Variants in LRRFIP2 observed in about 807,000 individuals in gnomAD.
The protein encoded by LRRFIP2 is LRR binding FLII interacting protein 2, also known as leucine-rich repeat flightless-interacting protein 2.
LRRFIP2 carries 109 observed loss-of-function variants against 125.9 expected under a neutral mutation model. The observed-to-expected ratio is 0.87, with a 90% confidence interval of 0.74 to 1.01. LRRFIP2 has a LOEUF of 1.01. LRRFIP2 is among the 50% of genes least tolerant of loss of function. LRRFIP2 has a pLI of 0.00. For missense variants in LRRFIP2, 850 were observed against 862.3 expected (o/e 0.99, Z 0.18); for synonymous variants, 291 against 293.1 (o/e 0.99, Z 0.07).
At chr3:37,094,720 A>G (rs1237824015) in intron 17 of LRRFIP2, 72 bp downstream of exon 17, 3 of 887,246 alleles carry the variant, frequency 3.4e-6, no homozygotes, top group Non-Finnish European at 3.7e-6. Context: ...GTCACATTAA[A>G]GGTTAAAAGT....
At position 37,148,888 on chromosome 3, in the gene LRRFIP2, A is replaced by C. The variant is rs1036107875; in HGVS notation, c.90+6T>G. 1.9e-6 allele frequency: 3 copies of C among 1,613,896 alleles called. No homozygotes were observed. The highest frequency in any genetic ancestry group is 2.7e-5 in the African/African-American group (2 of 74,922). On this transcript the variant is annotated splice_donor_region_variant and intron_variant, in intron 2 of 27. Coordinates refer to ENST00000336686, the MANE Select transcript of LRRFIP2 (RefSeq NM_006309.4). ...TCAGTGTTGAGAGGGGATTTACCAAACATACCTCTCTGGCAATGTTACTCA... is the reference window on the plus strand; with the variant it reads ...TCAGTGTTGAGAGGGGATTTACCAACCATACCTCTCTGGCAATGTTACTCA...
intron 25 of LRRFIP2, 58 bp downstream of exon 25, chr3:37,058,732 C>G: frequency 6.3e-7 from 1 of 1,575,440 alleles, no homozygotes; most frequent in Non-Finnish European, 8.6e-7. Flanking sequence ...GCTGACAAAC[C>G]CACCCCTGGG....
Position 37,055,177 on chromosome 3 carries a change from G to A in LRRFIP2, c.1871-12C>T, listed in dbSNP as rs781697549. On this transcript the variant is annotated splice_polypyrimidine_tract_variant and intron_variant, in intron 25 of 27. Transcript: ENST00000336686. ...TCTATTGGCATCTCCTAGAACAGAA[G>A]AAGACAATGAATTATCTTCACCTGT... is the stretch of plus-strand genomic sequence containing the variant. 1 of 1,522,000 alleles carries A rather than the reference G, an allele frequency of 6.6e-7. No homozygotes were observed. Among genetic ancestry groups the A allele is most frequent in the Non-Finnish European group, 8.9e-7 (1 of 1,120,528 alleles). 94.3% of individuals were successfully genotyped at this position (1,522,000 alleles called of 1,614,324 possible). A position where few individuals can be genotyped will look rare whatever the true frequency, so the allele number is the denominator to read the frequency against.
upstream of LRRFIP2, chr3:37,175,814 G>A (rs1386953500): frequency 6.6e-6 from 1 of 152,350 alleles, no homozygotes; most frequent in South Asian, 2.1e-4. Context: ...GGAATAACAC[G>A]TACCTTTTCC....
At chr3:37,112,280 G>C (rs1402604479) in intron 8 of LRRFIP2, among the ~76,000 whole-genome samples, 1 of 149,204 alleles carries the variant, frequency 6.7e-6, no homozygotes, top group Non-Finnish European at 1.5e-5. Flanking sequence ...AGGTTGCAGT[G>C]AGCCGAGATC....
At chr3:37,127,718 A>G (rs1324634343) in intron 3 of LRRFIP2, 38 bp from the exon 4 acceptor site, 3 of 1,515,094 alleles carry the variant, frequency 2.0e-6, no homozygotes, top group Non-Finnish European at 2.7e-6. Context: ...AATAGTTTCT[A>G]ACATATTGCA....
intron 2 of LRRFIP2, among the ~76,000 whole-genome samples, chr3:37,146,037 T>A (rs760274292): frequency 6.6e-6 from 1 of 152,162 alleles, no homozygotes; most frequent in African/African-American, 2.4e-5. Flanking sequence ...TAGAATCCTA[T>A]ACAATTTTTT....
chr3:37,121,166 T>C (rs1466570093), intron 6 of LRRFIP2, among the ~76,000 whole-genome samples: 1 of 152,034 alleles, frequency 6.6e-6, no homozygotes, highest in African/African-American at 2.4e-5. Context: ...GTAGGGAAAG[T>C]CTGAAAGTTA....
intron 14 of LRRFIP2, among the ~76,000 whole-genome samples, chr3:37,104,631 C>T (rs1052160797): frequency 6.6e-5 from 10 of 152,132 alleles, no homozygotes; most frequent in Admixed American, 2.0e-4. Context: ...ACATACCATC[C>T]GGAACAATGT....
At chr3:37,128,901 T>C (rs1398943132) in intron 3 of LRRFIP2, among the ~76,000 whole-genome samples, 162 bp downstream of exon 3, 1 of 152,168 alleles carries the variant, frequency 6.6e-6, no homozygotes, top group Non-Finnish European at 1.5e-5. Flanking sequence ...AAAACAAATA[T>C]CACATTTAAT....
intron 17 of LRRFIP2, among the ~76,000 whole-genome samples, chr3:37,092,405 T>A (rs2093494078): frequency 6.6e-6 from 1 of 152,202 alleles, no homozygotes; most frequent in South Asian, 2.1e-4. Flanking sequence ...CTCCAGTAGG[T>A]TTGACTGTCT....
intron 7 of LRRFIP2, among the ~76,000 whole-genome samples, chr3:37,113,861 T>A (rs1473136555): frequency 6.6e-6 from 1 of 152,180 alleles, no homozygotes; most frequent in South Asian, 2.1e-4. Context: ...GACAGGATTG[T>A]CTCAATACCT....
chr3:37,068,407 T>C (rs1056918806), intron 21 of LRRFIP2: 1 of 152,244 alleles, frequency 6.6e-6, no homozygotes. Flanking sequence ...CACATCGTAT[T>C]GCACTGGGTT....
Position 37,053,118 on chromosome 3 carries a change from A to T in LRRFIP2, c.*733T>A, listed in dbSNP as rs1315835088. On this transcript the variant is annotated 3_prime_UTR_variant, in exon 28 of 28. Coordinates refer to ENST00000336686, the MANE Select transcript of LRRFIP2 (RefSeq NM_006309.4). ...TTGAGGTTTCATTCCACAAATAAGC[A>T]GCAGATAAAATACTTTACAAGGTAC... 1 of 152,608 alleles carries T rather than the reference A, an allele frequency of 6.6e-6. No individual in the cohort carries two copies. Among genetic ancestry groups the T allele is most frequent in the Non-Finnish European group, 1.5e-5 (1 of 68,034 alleles). The allele number at this position is 152,608 out of a possible 1,614,324, so 9.5% of individuals were successfully genotyped here.
intron 1 of LRRFIP2, among the ~76,000 whole-genome samples, chr3:37,168,619 C>CT (rs1433479352): frequency 6.6e-6 from 1 of 152,106 alleles, no homozygotes; most frequent in African/African-American, 2.4e-5. Context: ...TGTAAATGTA[C>CT]TTTATACCAC....
intron 1 of LRRFIP2, among the ~76,000 whole-genome samples, chr3:37,155,336 C>T (rs1178855577): frequency 6.6e-6 from 1 of 152,174 alleles, no homozygotes; most frequent in African/African-American, 2.4e-5. Flanking sequence ...CCTTTTCATA[C>T]TTTTAACTAA....
intron 23 of LRRFIP2, chr3:37,065,588 G>A: frequency 1.5e-6 from 1 of 679,510 alleles, no homozygotes; most frequent in Non-Finnish European, 2.7e-6. Context: ...CCATCCACAG[G>A]CCTTACAGTT....
At chr3:37,107,318 GCTTA>G (rs1166622048) in intron 13 of LRRFIP2, among the ~76,000 whole-genome samples, 5 of 152,214 alleles carry the variant, frequency 3.3e-5, no homozygotes, top group African/African-American at 7.2e-5. Flanking sequence ...AAGGGACACA[GCTTA>G]CTTGTTTAAA....
At position 37,065,916 on chromosome 3, in the gene LRRFIP2, A is replaced by G; in HGVS notation, c.1593T>C (p.Asp531=). The part of the protein sequence containing the change: ...GEKHGLVIIP[D]GTPNGDVSHE... ...GACTGACATCACCATTGGGAGTGCC[A>G]TCGGGGATTATAACTAAGCCATGTT... The change falls in exon 23 of 28, where the codon GAT becomes GAC. Residue 531 remains aspartate (D), a synonymous_variant. Transcript: ENST00000336686. 6.2e-7 allele frequency: 1 copy of G among 1,614,170 alleles called. No homozygotes were observed. Among genetic ancestry groups the G allele is most frequent in the South Asian group, 1.1e-5 (1 of 91,080 alleles).
Sources: allele counts gnomAD v4.1 joint callset (sites outside exome capture counted in the v4.1 genomes callset), GRCh38; gene constraint gnomAD v4.1.1; transcripts MANE v1.5; gene names NCBI Gene and HGNC (gene_info 2026-07-23, HGNC 2026-07-21).